Variants in CADPS observed in about 807,000 individuals in gnomAD.
CADPS encodes the protein calcium-dependent secretion activator 1.
Under a neutral mutation model 167.3 loss-of-function variants are expected in CADPS, and 57 were observed. That is an observed-to-expected ratio of 0.34 (90% CI 0.28 to 0.42). The LOEUF is 0.42. Ranked by LOEUF, CADPS falls within the 20% of genes least tolerant of loss-of-function variation. The pLI is 1.00. For synonymous variants in CADPS, 676 were observed against 635.3 expected (o/e 1.06, Z -0.96); for missense variants, 1,414 against 1,738.1 (o/e 0.81, Z 3.32).
At chr3:62,847,261 CTTTTT>C (rs202175985) in intron 1 of CADPS, among the ~76,000 whole-genome samples, 49,617 of 133,096 alleles carry the variant, frequency 0.37, 9,828 homozygotes, top group East Asian at 0.52. Flanking sequence ...GCAGCATTTT[CTTTTT>C]TTTTTTTTTT....
chr3:62,461,522 C>T lies in CADPS; in HGVS notation c.3636+3845G>A, dbSNP rs573711917. 8.7e-4 allele frequency among the ~76,000 whole-genome samples: 132 copies of T among 152,306 alleles called. 1 individual carries two copies. Among genetic ancestry groups the T allele is most frequent in the Non-Finnish European group, 4.3e-4 (29 of 68,022 alleles). Reference sequence around the variant, plus strand: ...CCACCTTTGCCCTCTCCAGTCAAGTCTCCACCCCCAACATTCACTTAATCC... The same window carrying T: ...CCACCTTTGCCCTCTCCAGTCAAGTTTCCACCCCCAACATTCACTTAATCC... On this transcript the variant is annotated intron_variant, in intron 26 of 29. Coordinates refer to ENST00000383710, the MANE Select transcript of CADPS (RefSeq NM_003716.4).
At position 62,416,644 on chromosome 3, in the gene CADPS, T is replaced by C. The variant is rs562511091; in HGVS notation, c.3778-13459A>G. Among the ~76,000 whole-genome samples, 4 of 152,240 alleles carry C rather than the reference T, an allele frequency of 2.6e-5. No homozygotes were observed. The South Asian group carries it at 8.3e-4, about 32-fold the overall frequency. The stretch of plus-strand genomic sequence containing the variant: ...CCCAATAAAAAGAAAAGAACATGTG[T>C]ACATCAGAGACCAGCAGCCTCCCAG... On this transcript the variant is annotated intron_variant, in intron 28 of 29. Transcript: ENST00000383710.
At chr3:62,770,374 T>C (rs938937298) in intron 1 of CADPS, among the ~76,000 whole-genome samples, 1 of 152,222 alleles carries the variant, frequency 6.6e-6, no homozygotes, top group African/African-American at 2.4e-5. Context: ...TTATAACATG[T>C]ACCCAGAAAA....
At chr3:62,609,863 G>A (rs1469029771) in intron 6 of CADPS, among the ~76,000 whole-genome samples, 2 of 152,162 alleles carry the variant, frequency 1.3e-5, no homozygotes, top group Admixed American at 6.5e-5. Context: ...GCTGAGGCAG[G>A]TGGATCCCTT....
intron 1 of CADPS, among the ~76,000 whole-genome samples, chr3:62,865,550 G>C (rs995113589): frequency 2.0e-5 from 3 of 152,000 alleles, no homozygotes; most frequent in African/African-American, 7.2e-5. Context: ...CTCAATTTTA[G>C]AATGGCAGAC....
intron 20 of CADPS, 46 bp downstream of exon 20, chr3:62,492,243 AT>A (rs1367211664): frequency 5.2e-6 from 8 of 1,539,864 alleles, no homozygotes. Flanking sequence ...TGATCTGTTT[AT>A]CTGCACACTA....
chr3:62,415,370 G>T (rs550405670), intron 28 of CADPS, among the ~76,000 whole-genome samples: 62 of 152,140 alleles, frequency 4.1e-4, no homozygotes, highest in African/African-American at 1.4e-3. Flanking sequence ...ATGACCTCCT[G>T]TTCCTTGCCA....
chr3:62,622,699 G>T (rs1563010245), intron 6 of CADPS, among the ~76,000 whole-genome samples: 1 of 151,918 alleles, frequency 6.6e-6, no homozygotes, highest in Non-Finnish European at 1.5e-5. Flanking sequence ...TCCCTGATAA[G>T]ACACTGAGAT....
intron 26 of CADPS, among the ~76,000 whole-genome samples, chr3:62,454,534 C>T (rs987736279): frequency 6.6e-6 from 1 of 152,184 alleles, no homozygotes; most frequent in Non-Finnish European, 1.5e-5. Context: ...CCTACACTGC[C>T]TTTTCACAAG....
intron 17 of CADPS, among the ~76,000 whole-genome samples, chr3:62,504,270 T>C (rs138403805): frequency 5.4e-4 from 82 of 152,340 alleles, no homozygotes; most frequent in African/African-American, 1.8e-3. Flanking sequence ...AGGCAACTAC[T>C]AATCCTTTCA....
chr3:62,527,889 GA>G (rs1376652303), intron 13 of CADPS, among the ~76,000 whole-genome samples: 1 of 152,156 alleles, frequency 6.6e-6, no homozygotes, highest in East Asian at 1.9e-4. Flanking sequence ...CTGGAACAAA[GA>G]ATAGATAACA....
In CADPS at chr3:62,742,965, A is replaced by G. The variant is rs1376547275; in HGVS notation, c.888+10476T>C. ...AACAACCCAATTAAAAAGTAGGCAA[A>G]GGACATGAACACTTCTCAAAAGAAG... On this transcript the variant is annotated intron_variant, in intron 3 of 29. Transcript: ENST00000383710. Among the ~76,000 whole-genome samples, 4 of 152,188 alleles carry G rather than the reference A, an allele frequency of 2.6e-5. No individual in the cohort carries two copies. In the South Asian group the frequency reaches 6.2e-4, roughly 24 times the overall value.
intron 1 of CADPS, among the ~76,000 whole-genome samples, chr3:62,839,916 C>G (rs2076404227): frequency 6.6e-6 from 1 of 152,072 alleles, no homozygotes; most frequent in African/African-American, 2.4e-5. Context: ...GCTTGGATGA[C>G]CAGATGCATG....
chr3:62,799,626 G>A (rs9829801), intron 1 of CADPS, among the ~76,000 whole-genome samples: 117,651 of 151,746 alleles, frequency 0.78, 47,800 homozygotes, highest in South Asian at 0.89. Context: ...TTCTGTGTAT[G>A]TGACCCTGGG....
At chr3:62,740,281 TG>T (rs1384964968) in intron 3 of CADPS, among the ~76,000 whole-genome samples, 2 of 152,224 alleles carry the variant, frequency 1.3e-5, no homozygotes, top group African/African-American at 2.4e-5. Context: ...AGCAAAACCA[TG>T]TGCACAAGCA....
intron 26 of CADPS, among the ~76,000 whole-genome samples, chr3:62,464,320 C>A (rs2059701305): frequency 6.6e-6 from 1 of 152,188 alleles, no homozygotes; most frequent in South Asian, 2.1e-4. Context: ...CTACCCTGTG[C>A]TGGGCCTTGT....
At chr3:62,660,640 T>C (rs1246842896) in intron 4 of CADPS, among the ~76,000 whole-genome samples, 4 of 152,262 alleles carry the variant, frequency 2.6e-5, no homozygotes, top group Admixed American at 1.3e-4. Flanking sequence ...GACACCTCTT[T>C]CCATAAAGTG....
intron 1 of CADPS, among the ~76,000 whole-genome samples, chr3:62,846,633 GGGTCTTTTTTTGTTTGTTTTTT>G (rs1173732523): frequency 5.9e-5 from 9 of 152,074 alleles, no homozygotes; most frequent in East Asian, 1.9e-4. Flanking sequence ...ACCAAAGATT[GGGTCTTTTTTTGTTTGTTTTTT>G]GGTATTTTTT....
intron 17 of CADPS, among the ~76,000 whole-genome samples, chr3:62,503,771 A>T (rs543793125): frequency 1.3e-5 from 2 of 152,334 alleles, no homozygotes; most frequent in African/African-American, 2.4e-5. Flanking sequence ...CCCATCTGTC[A>T]TGTGGTTTAC....
Sources: allele counts gnomAD v4.1 joint callset (sites outside exome capture counted in the v4.1 genomes callset), GRCh38; gene constraint gnomAD v4.1.1; transcripts MANE v1.5; gene names NCBI Gene and HGNC (gene_info 2026-07-23, HGNC 2026-07-21).